Variants in SAMMSON observed in about 807,000 individuals in gnomAD.
SAMMSON encodes the protein long intergenic non-protein coding RNA 1212.
chr3:70,036,511 A>T (rs2067085642), intron 3 of SAMMSON, among the ~76,000 whole-genome samples: 1 of 152,196 alleles, frequency 6.6e-6, no homozygotes. Flanking sequence ...AAAAGTGGGC[A>T]TATAACCCAA....
At chr3:70,016,579 T>C (rs1437401803) in intron 3 of SAMMSON, among the ~76,000 whole-genome samples, 1 of 152,122 alleles carries the variant, frequency 6.6e-6, no homozygotes, top group African/African-American at 2.4e-5. Flanking sequence ...GTGCAGAAGC[T>C]CTTTAGTTTA....
At chr3:70,304,689 G>C (rs1258722390) in intron 7 of SAMMSON, among the ~76,000 whole-genome samples, 2 of 151,954 alleles carry the variant, frequency 1.3e-5, no homozygotes, top group East Asian at 3.8e-4. Context: ...ACCATCTTTT[G>C]CATGGCCAAC....
At chr3:70,027,189 T>C (rs2067044339) in intron 3 of SAMMSON, among the ~76,000 whole-genome samples, 1 of 152,214 alleles carries the variant, frequency 6.6e-6, no homozygotes, top group African/African-American at 2.4e-5. Context: ...GTGTCCTATT[T>C]AGACAAAGTA....
chr3:70,108,423 C>CATTTTTTTTTTTTTTT (rs2067375562), intron 4 of SAMMSON, among the ~76,000 whole-genome samples: 1 of 89,376 alleles, frequency 1.1e-5, no homozygotes, highest in Non-Finnish European at 2.2e-5. Flanking sequence ...CTTGCGGTTC[C>CATTTTTTTTTTTTTTT]TTTTTTTTTT....
chr3:70,389,791 C>G (rs1388988990), exon 10 of SAMMSON: 1 of 152,088 alleles, frequency 6.6e-6, no homozygotes, highest in African/African-American at 2.4e-5. Flanking sequence ...AGGAAGTGGT[C>G]ATTGGAAATA....
At chr3:70,211,177 C>T (rs993609184) in intron 4 of SAMMSON, among the ~76,000 whole-genome samples, 1 of 151,802 alleles carries the variant, frequency 6.6e-6, no homozygotes, top group African/African-American at 2.4e-5. Context: ...TTTCCTTTCC[C>T]TTCTTTTTTC....
intron 6 of SAMMSON, among the ~76,000 whole-genome samples, chr3:70,259,145 C>T (rs1359660018): frequency 6.6e-6 from 1 of 152,086 alleles, no homozygotes; most frequent in South Asian, 2.1e-4. Context: ...GCAGACAAGG[C>T]CCTTTTTCAT....
At chr3:70,021,211 G>C (rs554025805) in intron 3 of SAMMSON, among the ~76,000 whole-genome samples, 3 of 152,218 alleles carry the variant, frequency 2.0e-5, no homozygotes, top group African/African-American at 7.2e-5. Flanking sequence ...TCCAGTAACA[G>C]GCCACCAAAA....
chr3:70,125,563 A>G lies in SAMMSON; in HGVS notation n.507+53998A>G, dbSNP rs1013054970. ...CTATACTGGATGCATCAGCTTCAGT[A>G]ACAGGTAGATCATTATTTTTTTCTC... On this transcript the variant is annotated intron_variant and non_coding_transcript_variant, in intron 4 of 9. Transcript: ENST00000642114. 4.3e-6 allele frequency: 3 copies of G among 696,910 alleles called. No individual in the cohort carries two copies. In the African/African-American group the frequency reaches 5.3e-5, roughly 12 times the overall value. 43.2% of individuals were successfully genotyped at this position (696,910 alleles called of 1,614,324 possible).
intron 6 of SAMMSON, chr3:70,249,728 A>G (rs964298549): frequency 2.6e-5 from 4 of 152,298 alleles, no homozygotes; most frequent in African/African-American, 9.6e-5. Flanking sequence ...TTGATGAGAC[A>G]TTAGTATGGC....
chr3:70,010,165 C>T (rs1434749129), intron 1 of SAMMSON, among the ~76,000 whole-genome samples: 1 of 151,962 alleles, frequency 6.6e-6, no homozygotes, highest in East Asian at 1.9e-4. Flanking sequence ...CTGCTTGGTG[C>T]AGAGCTGAGT....
chr3:70,063,708 A>G (rs76232691), intron 3 of SAMMSON, among the ~76,000 whole-genome samples: 2,274 of 152,124 alleles, frequency 0.015, 28 homozygotes, highest in Middle Eastern at 0.051. Flanking sequence ...AATCCTTATC[A>G]CAGGAGACAG....
At chr3:70,244,352 G>A (rs1479916039) in intron 4 of SAMMSON, among the ~76,000 whole-genome samples, 2 of 152,168 alleles carry the variant, frequency 1.3e-5, no homozygotes, top group Non-Finnish European at 2.9e-5. Context: ...CTCTTTGAGT[G>A]AGTTACATCT....
chr3:70,006,342 A>G (rs1429824233), intron 1 of SAMMSON, among the ~76,000 whole-genome samples: 1 of 152,202 alleles, frequency 6.6e-6, no homozygotes, highest in Non-Finnish European at 1.5e-5. Flanking sequence ...TAACCACATC[A>G]TAAGAAAGAG....
At chr3:70,320,850 G>A (rs1053131396) in intron 7 of SAMMSON, among the ~76,000 whole-genome samples, 1 of 152,098 alleles carries the variant, frequency 6.6e-6, no homozygotes, top group African/African-American at 2.4e-5. Context: ...CGAGAAAATA[G>A]ACAAATTTTG....
At chr3:70,010,789 A>C (rs1396069417) in intron 1 of SAMMSON, among the ~76,000 whole-genome samples, 2 of 152,176 alleles carry the variant, frequency 1.3e-5, no homozygotes, top group Non-Finnish European at 2.9e-5. Flanking sequence ...GGAAACTTAC[A>C]AACATGGCAG....
intron 9 of SAMMSON, among the ~76,000 whole-genome samples, chr3:70,376,804 T>A (rs545336999): frequency 1.1e-4 from 16 of 152,308 alleles, no homozygotes; most frequent in African/African-American, 2.4e-4. Context: ...GTTAATTTTT[T>A]AAAATATTTC....
At chr3:70,190,727 GAA>G (rs1435764345) in intron 4 of SAMMSON, among the ~76,000 whole-genome samples, 1 of 152,166 alleles carries the variant, frequency 6.6e-6, no homozygotes, top group Non-Finnish European at 1.5e-5. Flanking sequence ...AAGGCATCAA[GAA>G]AGTGAGCTAA....
At chr3:70,096,680 A>T (rs913047912) in intron 4 of SAMMSON, among the ~76,000 whole-genome samples, 1 of 152,178 alleles carries the variant, frequency 6.6e-6, no homozygotes, top group Non-Finnish European at 1.5e-5. Context: ...CAAGGCCATA[A>T]ATACCAAGAG....
Sources: allele counts gnomAD v4.1 joint callset (sites outside exome capture counted in the v4.1 genomes callset), GRCh38; gene constraint gnomAD v4.1.1; transcripts MANE v1.5; gene names NCBI Gene and HGNC (gene_info 2026-07-23, HGNC 2026-07-21).